The following NUP54 variants were observed in gnomAD, a reference collection of about 807,000 sequenced individuals.
NUP54 encodes nucleoporin 54.
A neutral mutation model predicts 66.4 loss-of-function variants in NUP54; 27 were observed. The ratio of observed to expected loss-of-function variants is 0.41; its 90% CI spans 0.30 to 0.56. NUP54 has a LOEUF of 0.56. NUP54 is among the 20% of genes least tolerant of loss of function. NUP54 has a pLI of 0.34. For missense variants in NUP54, 486 were observed against 596.3 expected, an observed-to-expected ratio of 0.82 and a Z score of 1.93; for synonymous variants, 206 against 210.7, an observed-to-expected ratio of 0.98 and a Z score of 0.19.
At chr4:76,140,915 C>T (rs567285081) in intron 3 of NUP54, among the ~76,000 whole-genome samples, 2 of 152,180 alleles carry the variant, frequency 1.3e-5, no homozygotes, top group Admixed American at 1.3e-4. Flanking sequence ...AAATGGAAGG[C>T]CATGGAATCT....
intron 8 of NUP54, among the ~76,000 whole-genome samples, chr4:76,125,791 G>T (rs114689193): frequency 5.4e-4 from 20 of 36,964 alleles, no homozygotes; most frequent in Non-Finnish European, 9.1e-4. Flanking sequence ...GAGGGGGAGA[G>T]AGGGAGAGGG....
At chr4:76,120,956 T>C (rs1224878462) in intron 9 of NUP54, among the ~76,000 whole-genome samples, 1 of 152,192 alleles carries the variant, frequency 6.6e-6, no homozygotes, top group East Asian at 1.9e-4. Context: ...AATTTCCTTT[T>C]CCTAAACTCT....
chr4:76,134,451 G>A, intron 4 of NUP54, 89 bp from the exon 5 acceptor site: 3 of 1,070,816 alleles, frequency 2.8e-6, no homozygotes, highest in Admixed American at 2.8e-5. Context: ...CTGCTAAAAT[G>A]GGAAAAACAA....
At chr4:76,140,283 T>C (rs897190895) in intron 3 of NUP54, among the ~76,000 whole-genome samples, 31 of 143,346 alleles carry the variant, frequency 2.2e-4, no homozygotes, top group African/African-American at 6.8e-4. Flanking sequence ...ATTTTCTCTT[T>C]GGTTTTTTTT....
rs1730899746 is a variant in NUP54 at position 76,133,432 on chromosome 4, C to T, written c.711-713G>A. ...GCCACTCTCCTGCCTCAGCCTCCCT[C>T]GTAGCTGGGACTACAGGCACCTGCC... On this transcript the variant is annotated intron_variant, in intron 5 of 11. Coordinates refer to ENST00000264883, the MANE Select transcript of NUP54 (RefSeq NM_017426.4). Among the ~76,000 whole-genome samples, 3 of 151,786 alleles carry T rather than the reference C, an allele frequency of 2.0e-5. No individual in the cohort carries two copies. The South Asian group carries it at 6.2e-4, about 32-fold the overall frequency.
intron 9 of NUP54, among the ~76,000 whole-genome samples, chr4:76,121,349 T>C (rs1417748212): frequency 6.6e-6 from 1 of 152,230 alleles, no homozygotes. Context: ...AGGTTTAAAA[T>C]AGGTTCTGAA....
At chr4:76,139,161 T>C (rs1190714594) in intron 3 of NUP54, among the ~76,000 whole-genome samples, 1 of 152,130 alleles carries the variant, frequency 6.6e-6, no homozygotes. Flanking sequence ...GGGAGGAAAT[T>C]AGAAAATCAC....
chr4:76,118,802 A>G (rs969312947), intron 9 of NUP54, among the ~76,000 whole-genome samples: 5 of 151,952 alleles, frequency 3.3e-5, no homozygotes, highest in Non-Finnish European at 5.9e-5. Context: ...CAGGAGATTG[A>G]GACCATCCTG....
At chr4:76,141,240 T>C (rs532810759) in intron 3 of NUP54, among the ~76,000 whole-genome samples, 1 of 152,306 alleles carries the variant, frequency 6.6e-6, no homozygotes, top group African/African-American at 2.4e-5. Context: ...AAAATCCTAC[T>C]TGGCTTGGGG....
At chr4:76,145,627 T>C (rs1458653377) in intron 1 of NUP54, 10 of 1,208,450 alleles carry the variant, frequency 8.3e-6, no homozygotes, top group Non-Finnish European at 7.5e-6. Flanking sequence ...CAATCTAAAA[T>C]TGTTTTGTTA....
intron 11 of NUP54, among the ~76,000 whole-genome samples, chr4:76,116,643 A>G (rs1329363051): frequency 1.3e-5 from 2 of 152,216 alleles, no homozygotes; most frequent in African/African-American, 2.4e-5. Flanking sequence ...CAATAACCAA[A>G]TGTTTATAAC....
At chr4:76,118,793 A>G (rs1389753691) in intron 9 of NUP54, among the ~76,000 whole-genome samples, 1 of 151,946 alleles carries the variant, frequency 6.6e-6, no homozygotes, top group Non-Finnish European at 1.5e-5. Context: ...TCAAGAGGTC[A>G]GGAGATTGAG....
At chr4:76,124,824 T>A (rs1282260326) in intron 8 of NUP54, 68 bp from the exon 9 acceptor site, 1 of 609,066 alleles carries the variant, frequency 1.6e-6, no homozygotes, top group African/African-American at 1.9e-5. Flanking sequence ...GTTACACCTG[T>A]ATGGAAATTC....
At position 76,132,706 on chromosome 4, in the gene NUP54, T is replaced by A; in HGVS notation, c.724A>T (p.Ile242Phe). The change falls in exon 6 of 12, where the codon ATT becomes TTT. Residue 242 changes from isoleucine to phenylalanine, a missense_variant. This residue lies in a region of NUP54 where 217 missense variants were observed against 247.9 expected (regional missense o/e 0.88). Coordinates refer to ENST00000264883, the MANE Select transcript of NUP54 (RefSeq NM_017426.4). The stretch of plus-strand genomic sequence containing the variant: ...TTTGGCGAACGCTCAACAACATAAA[T>A]AACAACTTCTGTCCTGAAGGAAGAA... ...TLPDDQTEVV[I>F]YVVERSPNGT... 2 of 1,612,182 alleles carry A rather than the reference T, an allele frequency of 1.2e-6. No individual in the cohort carries two copies. Among genetic ancestry groups the A allele is most frequent in the Non-Finnish European group, 1.7e-6 (2 of 1,179,304 alleles).
chr4:76,146,177 T>C (rs62300636), intron 1 of NUP54: 59,800 of 425,944 alleles, frequency 0.14, 4,888 homozygotes, highest in East Asian at 0.35. Context: ...TATCAGCCCT[T>C]TGCTGAAGGT....
At chr4:76,115,610 T>C in intron 11 of NUP54, 116 bp from the exon 12 acceptor site, 2 of 647,586 alleles carry the variant, frequency 3.1e-6, no homozygotes, top group Non-Finnish European at 4.9e-6. Flanking sequence ...ACCTAGTAAG[T>C]GCTCTAAATA....
intron 8 of NUP54, among the ~76,000 whole-genome samples, chr4:76,129,853 A>T: frequency 9.2e-6 from 1 of 108,412 alleles, no homozygotes; most frequent in African/African-American, 4.0e-5. Flanking sequence ...CGACAGAGCG[A>T]GAGACGTCTC....
chr4:76,135,145 TTACAAA>T (rs1317489105), intron 4 of NUP54, among the ~76,000 whole-genome samples: 1 of 152,178 alleles, frequency 6.6e-6, no homozygotes, highest in East Asian at 1.9e-4. Context: ...GACAGTCAAC[TTACAAA>T]TACTATAAAG....
chr4:76,131,194 T>C (rs1228006989), intron 7 of NUP54, 36 bp downstream of exon 7: 11 of 1,325,062 alleles, frequency 8.3e-6, no homozygotes, highest in Non-Finnish European at 1.1e-5. Context: ...TAGCAAATAT[T>C]AGTTCTTAAA....
Sources: allele counts gnomAD v4.1 joint callset (sites outside exome capture counted in the v4.1 genomes callset), GRCh38; gene constraint gnomAD v4.1.1; regional missense constraint gnomAD v4.1.1; transcripts MANE v1.5; gene names NCBI Gene and HGNC (gene_info 2026-07-23, HGNC 2026-07-21).